The following RAD21L1 variants were observed in gnomAD, a reference collection of about 807,000 sequenced individuals.
RAD21L1 encodes the protein RAD21 cohesin complex component like 1, also known as double-strand-break repair protein rad21-like protein 1.
Under a neutral mutation model 69.0 loss-of-function variants are expected in RAD21L1, and 47 were observed. That is an observed-to-expected ratio of 0.68 (90% CI 0.54 to 0.87). The LOEUF (loss-of-function observed/expected upper bound fraction) is 0.87. RAD21L1 is among the 40% of genes least tolerant of loss of function. The pLI, the probability that RAD21L1 is intolerant of heterozygous loss-of-function variation, is 0.00. For missense variants in RAD21L1, 583 were observed against 647.6 expected (o/e 0.90, Z 1.08); for synonymous variants, 177 against 205.8 (o/e 0.86, Z 1.20).
intron 1 of RAD21L1, among the ~76,000 whole-genome samples, 187 bp from the exon 2 acceptor site, chr20:1,228,235 C>T (rs982338660): frequency 1.3e-5 from 2 of 152,052 alleles, no homozygotes; most frequent in African/African-American, 4.8e-5. Context: ...TTTACTAGAG[C>T]TTTGTCATTA....
At chr20:1,253,299 T>A (rs1171235188) in intron 13 of RAD21L1, among the ~76,000 whole-genome samples, 2 of 152,170 alleles carry the variant, frequency 1.3e-5, no homozygotes, top group African/African-American at 4.8e-5. Context: ...AGTACTTCTT[T>A]TCTTTTTTTC....
intron 3 of RAD21L1, 100 bp from the exon 4 acceptor site, chr20:1,231,426 G>T (rs575274250): frequency 2.9e-6 from 2 of 680,464 alleles, no homozygotes; most frequent in South Asian, 3.5e-5. Context: ...AAACTAGTTA[G>T]AATAAGCAGT....
In RAD21L1 at chr20:1,227,032, C is replaced by T. The variant is rs2087278778; in HGVS notation, c.-33+892C>T. ...TCGAGCGATTCTCCTGCCTCAGCCT[C>T]CCAAGTAGCTGGGATTACAGACGCC... On this transcript the variant is annotated intron_variant, in intron 1 of 13. Transcript: ENST00000683101. 3.9e-5 allele frequency among the ~76,000 whole-genome samples: 6 copies of T among 152,300 alleles called. No individual in the cohort carries two copies. The South Asian group carries it at 1.2e-3, about 32-fold the overall frequency.
At chr20:1,230,381 A>G (rs1288610577) in intron 3 of RAD21L1, 4 of 200,612 alleles carry the variant, frequency 2.0e-5, no homozygotes, top group Admixed American at 1.9e-4. Context: ...GATATCAGTA[A>G]TTGTTTTCAG....
intron 5 of RAD21L1, 23 bp from the exon 6 acceptor site, chr20:1,238,021 A>G (rs757304083): frequency 7.6e-7 from 1 of 1,319,674 alleles, no homozygotes; most frequent in Non-Finnish European, 1.0e-6. Flanking sequence ...ATGAATTAGT[A>G]TTAATGATAT....
chr20:1,240,368 A>C lies in RAD21L1; in HGVS notation c.790A>C (p.Met264Leu). 1 of 1,549,880 alleles carries C rather than the reference A, an allele frequency of 6.5e-7. No individual in the cohort carries two copies. The highest frequency in any genetic ancestry group is 8.7e-7 in the Non-Finnish European group (1 of 1,146,186). ...ECICVPENEK[M>L]NETILLSTEE... Reference sequence around the variant, plus strand: ...TATATGTGTACCTGAAAATGAAAAAATGAATGAAACAATATTATTATCAAC... The same window carrying C: ...TATATGTGTACCTGAAAATGAAAAACTGAATGAAACAATATTATTATCAAC... The change falls in exon 8 of 14, where the codon ATG (methionine) becomes CTG (leucine). Residue 264 changes from methionine (M) to leucine (L), a missense_variant. Transcript: ENST00000683101.
In RAD21L1 at chr20:1,231,620, G is replaced by T; in HGVS notation, c.368+1G>T. The T allele has an allele frequency of 7.5e-7, 1 of 1,327,908 alleles. No individual in the cohort carries two copies. Among genetic ancestry groups the T allele is most frequent in the Admixed American group, 2.2e-5 (1 of 45,676 alleles). The allele number at this position is 1,327,908 out of a possible 1,614,324, so 82.3% of individuals were successfully genotyped here. A position where few individuals can be genotyped will look rare whatever the true frequency, so the allele number is the denominator to read the frequency against. ...ATGATTTTGACACCCAAAATATGAA[G>T]TAAAATATTTTATTTATTTTCCTTC... is the stretch of plus-strand genomic sequence containing the variant. On this transcript the variant is annotated splice_donor_variant, in intron 4 of 13. Coordinates refer to ENST00000683101, the MANE Select transcript of RAD21L1 (RefSeq NM_001384355.1). LOFTEE classifies it high-confidence loss of function.
intron 10 of RAD21L1, 33 bp downstream of exon 10, chr20:1,243,229 G>A (rs1224899544): frequency 1.9e-6 from 2 of 1,074,758 alleles, no homozygotes; most frequent in Admixed American, 3.2e-5. Context: ...ATGTTGAGGG[G>A]AATGCTGTGG....
Position 1,239,418 on chromosome 20 carries a change from A to G in RAD21L1, c.742+11A>G. On this transcript the variant is annotated intron_variant, in intron 7 of 13. Transcript: ENST00000683101. ...CCAATAGTTTAGCAGGTAGGTTGAA[A>G]TTTTCCTTTATGAGAAAGTAATGGG... is the stretch of plus-strand genomic sequence containing the variant. 2.1e-6 allele frequency: 3 copies of G among 1,462,846 alleles called. No individual in the cohort carries two copies. The highest frequency in any genetic ancestry group is 2.8e-6 in the Non-Finnish European group (3 of 1,068,494). The allele number at this position is 1,462,846 out of a possible 1,614,324, so 90.6% of individuals were successfully genotyped here.
At chr20:1,249,559 C>T (rs956274579) in intron 13 of RAD21L1, among the ~76,000 whole-genome samples, 2 of 152,210 alleles carry the variant, frequency 1.3e-5, no homozygotes, top group African/African-American at 4.8e-5. Context: ...CAGGTCTGTA[C>T]TCCAATCAGT....
chr20:1,238,361 T>G, intron 6 of RAD21L1, 147 bp downstream of exon 6: 1 of 542,170 alleles, frequency 1.8e-6, no homozygotes. Flanking sequence ...GTTTTCAAAG[T>G]CTGTGGCATG....
At chr20:1,251,965 G>C (rs1472957593) in intron 13 of RAD21L1, among the ~76,000 whole-genome samples, 1 of 152,128 alleles carries the variant, frequency 6.6e-6, no homozygotes, top group Non-Finnish European at 1.5e-5. Context: ...CAATCAAGGA[G>C]TAAACATATA....
intron 8 of RAD21L1, among the ~76,000 whole-genome samples, chr20:1,242,306 C>G (rs1362384460): frequency 6.6e-6 from 1 of 152,156 alleles, no homozygotes; most frequent in East Asian, 1.9e-4. Context: ...GGTCTCAGCT[C>G]ACTTCAACCT....
At chr20:1,228,369 C>T in intron 1 of RAD21L1, 53 bp from the exon 2 acceptor site, 1 of 869,558 alleles carries the variant, frequency 1.2e-6, no homozygotes, top group South Asian at 3.0e-5. Flanking sequence ...TTTCTTATAG[C>T]AATAAAAAGT....
chr20:1,248,582 G>T (rs2087763520), intron 12 of RAD21L1, 44 bp from the exon 13 acceptor site: 2 of 1,189,786 alleles, frequency 1.7e-6, no homozygotes, highest in African/African-American at 1.5e-5. Context: ...TCAGCATTTA[G>T]TAAAATTTGC....
intron 4 of RAD21L1, among the ~76,000 whole-genome samples, chr20:1,233,635 G>A (rs990096141): frequency 2.6e-5 from 4 of 152,126 alleles, no homozygotes; most frequent in African/African-American, 9.7e-5. Context: ...ATTCATAGAT[G>A]GCAACCTTCT....
intron 13 of RAD21L1, 61 bp downstream of exon 13, chr20:1,248,764 C>A: frequency 1.0e-6 from 1 of 953,262 alleles, no homozygotes; most frequent in Non-Finnish European, 1.6e-6. Flanking sequence ...ATACTGACTT[C>A]AAGCTTCCAT....
intron 1 of RAD21L1, among the ~76,000 whole-genome samples, chr20:1,227,085 C>G (rs1191083545): frequency 3.3e-5 from 5 of 152,026 alleles, no homozygotes; most frequent in African/African-American, 4.8e-5. Flanking sequence ...ACTTTTTGTA[C>G]TTTTAGTAGA....
At chr20:1,253,324 G>A (rs2087873052) in intron 13 of RAD21L1, among the ~76,000 whole-genome samples, 1 of 151,834 alleles carries the variant, frequency 6.6e-6, no homozygotes, top group African/African-American at 2.4e-5. Flanking sequence ...TTTGTGACAG[G>A]GTATCACTGT....
Sources: gnomAD v4.1 joint callset for allele counts (sites outside exome capture counted in the v4.1 genomes callset) on GRCh38, gnomAD v4.1.1 for gene constraint, MANE v1.5 for transcripts, NCBI Gene and HGNC (gene_info 2026-07-23, HGNC 2026-07-21) for gene names.